The following UBASH3A variants were observed in gnomAD, a reference collection of about 807,000 sequenced individuals.
UBASH3A encodes ubiquitin-associated and SH3 domain-containing protein A.
In UBASH3A, 63 loss-of-function variants were observed where a neutral mutation model predicts 73.5. The ratio of observed to expected loss-of-function variants is 0.86; its 90% CI spans 0.70 to 1.06. The LOEUF is 1.06. Ranked by LOEUF, UBASH3A falls within the 50% of genes least tolerant of loss-of-function variation. The pLI is 0.00. For missense variants in UBASH3A, 860 were observed against 859.0 expected, an observed-to-expected ratio of 1.00 and a Z score of -0.02; for synonymous variants, 363 against 351.1, an observed-to-expected ratio of 1.03 and a Z score of -0.38.
chr21:42,443,410 C>T lies in UBASH3A; in HGVS notation c.1730C>T (p.Pro577Leu), dbSNP rs140421474. 52 of 1,608,364 alleles carry T rather than the reference C, an allele frequency of 3.2e-5. No homozygotes were observed. In the African/African-American group the frequency reaches 4.1e-4, roughly 13 times the overall value. ...ATGGTGCAAATCGTCAACACCTGTC[C>T]ACAGGACAGTAAGTGCCTCACCATC... ...ASMVQIVNTCPQDTGVILIVS... is the reference protein window; with the variant it reads ...ASMVQIVNTCLQDTGVILIVS... Residue 577 changes from proline to leucine, a missense_variant, in exon 13 of 15, where the codon CCA becomes CTA. Pro to Leu is a moderately conservative substitution (Grantham distance 98, BLOSUM62 -3). Coordinates refer to ENST00000319294, the MANE Select transcript of UBASH3A (RefSeq NM_018961.4).
At chr21:42,409,751 G>T in intron 3 of UBASH3A, 143 bp downstream of exon 3, 1 of 722,684 alleles carries the variant, frequency 1.4e-6, no homozygotes, top group South Asian at 1.9e-5. Context: ...CATATGAGCT[G>T]TCCTTTATTT....
intron 3 of UBASH3A, 93 bp from the exon 4 acceptor site, chr21:42,412,931 C>T: frequency 3.7e-6 from 4 of 1,069,636 alleles, no homozygotes; most frequent in Non-Finnish European, 5.6e-6. Context: ...AAAAGAATCT[C>T]ACTTTAATTG....
At position 42,406,289 on chromosome 21, in the gene UBASH3A, T is replaced by G; in HGVS notation, c.114-19T>G. ...AGAATGGGCGACGTGACTTTGTGTC[T>G]GTGTCTGCTCTTCTGCAGGCTGAAA... is the stretch of plus-strand genomic sequence containing the variant. On this transcript the variant is annotated intron_variant, in intron 1 of 14. Coordinates refer to ENST00000319294, the MANE Select transcript of UBASH3A (RefSeq NM_018961.4). 6.2e-7 allele frequency: 1 copy of G among 1,612,556 alleles called. No individual in the cohort carries two copies. The highest frequency in any genetic ancestry group is 1.3e-5 in the African/African-American group (1 of 75,008).
At chr21:42,420,995 G>T (rs2053328755) in intron 7 of UBASH3A, among the ~76,000 whole-genome samples, 1 of 152,190 alleles carries the variant, frequency 6.6e-6, no homozygotes, top group Non-Finnish European at 1.5e-5. Context: ...AATGCCTCTT[G>T]TAGCCCACCC....
chr21:42,412,843 C>T (rs568931628), intron 3 of UBASH3A, among the ~76,000 whole-genome samples, 181 bp from the exon 4 acceptor site: 2 of 152,280 alleles, frequency 1.3e-5, no homozygotes, highest in East Asian at 1.9e-4. Context: ...TTGAAAAAAC[C>T]GAGGTCCAGG....
At chr21:42,427,285 G>A (rs541202606) in intron 8 of UBASH3A, among the ~76,000 whole-genome samples, 3 of 152,166 alleles carry the variant, frequency 2.0e-5, no homozygotes, top group Non-Finnish European at 4.4e-5. Flanking sequence ...CTGCCAGGCA[G>A]GGACACCAAG....
intron 11 of UBASH3A, among the ~76,000 whole-genome samples, chr21:42,438,981 C>T (rs2053679718): frequency 6.6e-6 from 1 of 152,138 alleles, no homozygotes; most frequent in African/African-American, 2.4e-5. Flanking sequence ...GGGACCTTCA[C>T]AGGAGGAGCC....
chr21:42,418,571 G>A lies in UBASH3A; in HGVS notation c.1008G>A (p.Thr336=), dbSNP rs145397000. Residue 336 remains threonine, a synonymous_variant, in exon 7 of 15, where the codon ACG becomes ACA. Coordinates refer to ENST00000319294, the MANE Select transcript of UBASH3A (RefSeq NM_018961.4). Reference sequence around the variant, plus strand: ...GGGGCTTCCTGCCGGAAAACTACACGGATCGAGCCAGTGAGTCTGACACGT... The same window carrying A: ...GGGGCTTCCTGCCGGAAAACTACACAGATCGAGCCAGTGAGTCTGACACGT... The part of the protein sequence containing the change: ...GCRGFLPENY[T]DRASESDTWV... 2.5e-5 allele frequency: 40 copies of A among 1,613,980 alleles called. No individual in the cohort carries two copies. The highest frequency in any genetic ancestry group is 5.0e-5 in the Admixed American group (3 of 60,004).
chr21:42,422,143 A>C (rs2146538970), intron 7 of UBASH3A, among the ~76,000 whole-genome samples: 1 of 152,304 alleles, frequency 6.6e-6, no homozygotes, highest in South Asian at 2.1e-4. Context: ...CCAAAGCCCC[A>C]CAGCTGTGCA....
intron 9 of UBASH3A, among the ~76,000 whole-genome samples, chr21:42,432,708 G>A (rs17114918): frequency 0.064 from 9,799 of 152,186 alleles, 553 homozygotes; most frequent in African/African-American, 0.14. Flanking sequence ...TAGGTTAGCC[G>A]AACCCTTTTG....
At chr21:42,426,884 C>A in intron 8 of UBASH3A, 64 bp downstream of exon 8, 1 of 1,565,456 alleles carries the variant, frequency 6.4e-7, no homozygotes, top group African/African-American at 1.4e-5. Flanking sequence ...GTATTAACTT[C>A]ACGGTGGACA....
chr21:42,430,617 G>T (rs2053511420), intron 8 of UBASH3A, among the ~76,000 whole-genome samples: 2 of 152,118 alleles, frequency 1.3e-5, no homozygotes, highest in Non-Finnish European at 2.9e-5. Context: ...GGCAGGATTT[G>T]GTCCCCAGAA....
At chr21:42,405,115 GGGT>G (rs1230907026) in intron 1 of UBASH3A, among the ~76,000 whole-genome samples, 1 of 152,190 alleles carries the variant, frequency 6.6e-6, no homozygotes, top group Non-Finnish European at 1.5e-5. Flanking sequence ...TGGCCAAATT[GGGT>G]GAAGTAACTC....
Position 42,447,057 on chromosome 21 carries a change from A to G in UBASH3A, c.1849A>G (p.Ile617Val). 1 of 1,612,230 alleles carries G rather than the reference A, an allele frequency of 6.2e-7. No individual in the cohort carries two copies. The highest frequency in any genetic ancestry group is 1.1e-5 in the South Asian group (1 of 90,732). ...CAAGTGATTTAAAACTCTGTTCCAG[A>G]TCCCTTCCCTGGGCATGTGCTTCTG... ...CGDFAQLVRK[I>V]PSLGMCFCEE... is the part of the protein sequence containing the mutation. The change falls in exon 15 of 15, where the codon ATC becomes GTC. Residue 617 changes from isoleucine (I) to valine (V), a missense_variant and splice_region_variant. Ile to Val is a conservative substitution (Grantham distance 29). Transcript: ENST00000319294.
At chr21:42,446,192 T>C (rs1053493703) in intron 14 of UBASH3A, among the ~76,000 whole-genome samples, 1 of 152,154 alleles carries the variant, frequency 6.6e-6, no homozygotes, top group Non-Finnish European at 1.5e-5. Context: ...ATCTTGAACT[T>C]CCAAACTCCT....
intron 7 of UBASH3A, among the ~76,000 whole-genome samples, chr21:42,422,543 T>C (rs2053355402): frequency 6.6e-6 from 1 of 152,238 alleles, no homozygotes; most frequent in Admixed American, 6.5e-5. Context: ...TCCAGTCTTA[T>C]ACCTAATCCC....
Position 42,409,444 on chromosome 21 carries a change from C to G in UBASH3A, c.190C>G (p.Pro64Ala). 1 of 1,604,028 alleles carries G rather than the reference C, an allele frequency of 6.2e-7. No individual in the cohort carries two copies. Residue 64 changes from proline (P) to alanine (A), a missense_variant, in exon 3 of 15, where the codon CCT (proline) becomes GCT (alanine). Transcript: ENST00000319294. Reference protein sequence around the residue: ...LAWLHDHCNDPSLDDPIPQEY... With the variant: ...LAWLHDHCNDASLDDPIPQEY... Reference sequence around the variant, plus strand: ...CAGGCTGCATGATCATTGCAATGACCCTTCCCTAGACGACCCCATCCCCCA... The same window carrying G: ...CAGGCTGCATGATCATTGCAATGACGCTTCCCTAGACGACCCCATCCCCCA...
chr21:42,407,328 G>A (rs902037930), intron 2 of UBASH3A, among the ~76,000 whole-genome samples: 11 of 152,174 alleles, frequency 7.2e-5, no homozygotes, highest in African/African-American at 1.9e-4. Context: ...GTCTCTGAAC[G>A]TGCAGTGTTC....
In UBASH3A at chr21:42,432,153, G is replaced by A; in HGVS notation, c.1221G>A (p.Val407=). The stretch of plus-strand genomic sequence containing the variant: ...TGGTGGTTCGCCACGGGGAGAGAGT[G>A]GATCAGATCTTCGGGAAGGCATGGC... The part of the protein sequence containing the change: ...SVLVVRHGER[V]DQIFGKAWLQ... The change falls in exon 9 of 15, where the codon GTG becomes GTA. Residue 407 remains valine (V), a synonymous_variant. Coordinates refer to ENST00000319294, the MANE Select transcript of UBASH3A (RefSeq NM_018961.4). 7 of 1,613,686 alleles carry A rather than the reference G, an allele frequency of 4.3e-6. No homozygotes were observed. Among genetic ancestry groups the A allele is most frequent in the African/African-American group, 1.3e-5 (1 of 74,970 alleles).
Sources: gnomAD v4.1 joint callset for allele counts (sites outside exome capture counted in the v4.1 genomes callset) on GRCh38, gnomAD v4.1.1 for gene constraint, MANE v1.5 for transcripts, NCBI Gene and HGNC (gene_info 2026-07-23, HGNC 2026-07-21) for gene names.